Variants in CDC5L observed in about 807,000 individuals in gnomAD.
CDC5L encodes the protein cell division cycle 5 like.
Under a neutral mutation model 104.1 loss-of-function variants are expected in CDC5L, and 18 were observed. That is an observed-to-expected ratio of 0.17 (90% CI 0.12 to 0.26). CDC5L has a LOEUF of 0.26. Ranked by LOEUF, CDC5L falls within the 10% of genes least tolerant of loss-of-function variation. The pLI, the probability that CDC5L is intolerant of heterozygous loss-of-function variation, is 1.00. For missense variants in CDC5L, 673 were observed against 956.9 expected, an observed-to-expected ratio of 0.70 and a Z score of 3.91; for synonymous variants, 331 against 322.7, an observed-to-expected ratio of 1.03 and a Z score of -0.28.
intron 14 of CDC5L, among the ~76,000 whole-genome samples, chr6:44,435,087 C>G (rs1326536744): frequency 7.0e-6 from 1 of 143,378 alleles, no homozygotes; most frequent in Non-Finnish European, 1.5e-5. Context: ...CCCGCCCCCC[C>G]TGCCCCCACA....
intron 11 of CDC5L, 70 bp from the exon 12 acceptor site, chr6:44,426,033 G>A (rs1792401396): frequency 9.4e-7 from 1 of 1,060,586 alleles, no homozygotes; most frequent in African/African-American, 1.6e-5. Context: ...ATACCAAAGT[G>A]TTTTTAGCTT....
At chr6:44,434,254 G>A (rs1432102627) in intron 14 of CDC5L, among the ~76,000 whole-genome samples, 1 of 152,146 alleles carries the variant, frequency 6.6e-6, no homozygotes, top group African/African-American at 2.4e-5. Context: ...CAGTGCTCTT[G>A]TATTGCTTTG....
In CDC5L at chr6:44,410,462, G is replaced by T. The variant is rs117714028; in HGVS notation, c.1092+1830G>T. ...TATTTTTAAATTCATTTCTCCACTG[G>T]TGGACCCTTAGGTTGTTTCCAGAGG... On this transcript the variant is annotated intron_variant, in intron 8 of 15. Coordinates refer to ENST00000371477, the MANE Select transcript of CDC5L (RefSeq NM_001253.4). Among the ~76,000 whole-genome samples the T allele has an allele frequency of 1.4e-3, 214 of 152,206 alleles. 3 individuals carry two copies. The East Asian group carries it at 0.039, about 27-fold the overall frequency.
Position 44,388,953 on chromosome 6 carries a change from G to T in CDC5L, c.45+1085G>T, listed in dbSNP as rs535913369. ...GATAATAATACTTAACCTCTCTTGA[G>T]GATTACACGAGTTAATACGTTTGGA... On this transcript the variant is annotated intron_variant, in intron 1 of 15. Coordinates refer to ENST00000371477, the MANE Select transcript of CDC5L (RefSeq NM_001253.4). Among the ~76,000 whole-genome samples, 10 of 152,156 alleles carry T rather than the reference G, an allele frequency of 6.6e-5. No homozygotes were observed. In the South Asian group the frequency reaches 1.2e-3, roughly 19 times the overall value.
At chr6:44,422,618 T>G (rs1792238397) in intron 9 of CDC5L, 29 bp from the exon 10 acceptor site, 1 of 1,465,286 alleles carries the variant, frequency 6.8e-7, no homozygotes, top group East Asian at 2.5e-5. Context: ...AAGTGGCACT[T>G]CTGTTAATTG....
chr6:44,445,036 C>T (rs970570037), intron 14 of CDC5L, among the ~76,000 whole-genome samples: 1 of 152,218 alleles, frequency 6.6e-6, no homozygotes, highest in African/African-American at 2.4e-5. Context: ...GAGCCCCTTC[C>T]AGGGAGAAAT....
intron 8 of CDC5L, among the ~76,000 whole-genome samples, chr6:44,417,058 T>A (rs1369427158): frequency 6.6e-6 from 1 of 152,214 alleles, no homozygotes. Context: ...TTTAGTGCAT[T>A]TTACTATGCT....
In CDC5L at chr6:44,387,766, C is replaced by T. The variant is rs1790393512; in HGVS notation, c.-58C>T. ...GGCTTTGAGTCCGGTGGCCCAATCG[C>T]TGTTACTACTTCTCTGAAGCTCCTC... On this transcript the variant is annotated 5_prime_UTR_variant, in exon 1 of 16. Coordinates refer to ENST00000371477, the MANE Select transcript of CDC5L (RefSeq NM_001253.4). 4.8e-6 allele frequency: 7 copies of T among 1,468,930 alleles called. No individual in the cohort carries two copies. The highest frequency in any genetic ancestry group is 3.9e-5 in the Admixed American group (2 of 50,778). 91.0% of individuals were successfully genotyped at this position (1,468,930 alleles called of 1,614,324 possible).
chr6:44,423,221 A>G (rs1047830520), intron 10 of CDC5L, among the ~76,000 whole-genome samples: 6 of 152,238 alleles, frequency 3.9e-5, no homozygotes, highest in African/African-American at 1.4e-4. Context: ...TCAGTTTAAA[A>G]TTAATTCTAA....
In CDC5L at chr6:44,391,201, T is replaced by C. The variant is rs560033926; in HGVS notation, c.149+830T>C. Among the ~76,000 whole-genome samples the C allele has an allele frequency of 5.0e-3, 745 of 148,472 alleles. 3 individuals carry two copies. Among genetic ancestry groups the C allele is most frequent in the Non-Finnish European group, 9.4e-3 (632 of 67,308 alleles). ...TATATTAAACATATTTAATATGTTA[T>C]ATATATTAAAAGATATAAGCCAACT... On this transcript the variant is annotated intron_variant, in intron 2 of 15. Transcript: ENST00000371477.
At chr6:44,395,030 C>G (rs762925347) in intron 4 of CDC5L, among the ~76,000 whole-genome samples, 20 of 152,088 alleles carry the variant, frequency 1.3e-4, no homozygotes, top group Non-Finnish European at 2.6e-4. Flanking sequence ...GAGACAAATA[C>G]TGCATATTCT....
intron 9 of CDC5L, among the ~76,000 whole-genome samples, chr6:44,420,791 C>T (rs896604355): frequency 1.3e-5 from 2 of 152,182 alleles, no homozygotes; most frequent in Non-Finnish European, 2.9e-5. Flanking sequence ...CTGAAAAAAT[C>T]CCATATCTAA....
chr6:44,424,421 A>G lies in CDC5L; in HGVS notation c.1407A>G (p.Glu469=). 6.2e-7 allele frequency: 1 copy of G among 1,611,974 alleles called. No individual in the cohort carries two copies. Among genetic ancestry groups the G allele is most frequent in the Non-Finnish European group, 8.5e-7 (1 of 1,178,500 alleles). Residue 469 remains glutamate, a splice_region_variant and synonymous_variant, in exon 11 of 16, where the codon GAA becomes GAG. Coordinates refer to ENST00000371477, the MANE Select transcript of CDC5L (RefSeq NM_001253.4). ...YSDPSYVKQM[E]RESREHLRLG... is the part of the protein sequence containing the mutation. Reference sequence around the variant, plus strand: ...GAAGGACCACTTCTTTTCTACAGGAAAGAGAATCCCGAGAACATCTCCGTT... The same window carrying G: ...GAAGGACCACTTCTTTTCTACAGGAGAGAGAATCCCGAGAACATCTCCGTT...
intron 8 of CDC5L, among the ~76,000 whole-genome samples, chr6:44,411,629 A>AGTGTGTGTGT (rs1386078605): frequency 0.025 from 115 of 4,676 alleles, 2 homozygotes; most frequent in South Asian, 0.15. Flanking sequence ...AGAGAGAGAG[A>AGTGTGTGTGT]GAGAGAGAGT....
rs765864584 is a variant in CDC5L at position 44,429,833 on chromosome 6, C to T, written c.2014C>T (p.Pro672Ser). 2.1e-5 allele frequency: 34 copies of T among 1,613,984 alleles called. No homozygotes were observed. Among genetic ancestry groups the T allele is most frequent in the Middle Eastern group, 3.3e-4 (2 of 6,084 alleles). ...ATGCTACAGTCAAGTTTTATATCTT[C>T]CTGGGCAGAGCCGCTACACACGGGC... is the stretch of plus-strand genomic sequence containing the variant. ...EECYSQVLYL[P>S]GQSRYTRANL... is the part of the protein sequence containing the mutation. Residue 672 changes from proline (P) to serine (S), a missense_variant, in exon 14 of 16, where the codon CCT becomes TCT. Around this residue, in one of 4 missense-constraint regions of CDC5L, gnomAD observed 578 missense variants for 737.0 expected, o/e 0.78. Coordinates refer to ENST00000371477, the MANE Select transcript of CDC5L (RefSeq NM_001253.4).
Position 44,447,827 on chromosome 6 carries a change from G to A in CDC5L, c.*1116G>A, listed in dbSNP as rs1353408323. 6.6e-6 allele frequency: 1 copy of A among 152,202 alleles called. No homozygotes were observed. Among genetic ancestry groups the A allele is most frequent in the African/African-American group, 2.4e-5 (1 of 41,442 alleles). The allele number at this position is 152,202 out of a possible 1,614,324, so 9.4% of individuals were successfully genotyped here. ...TGTGTCAGACACTTAAGTGTTGGGA[G>A]ATAAGCAGTTATTAAGACAGAGTTC... On this transcript the variant is annotated 3_prime_UTR_variant, in exon 16 of 16. Coordinates refer to ENST00000371477, the MANE Select transcript of CDC5L (RefSeq NM_001253.4).
intron 14 of CDC5L, among the ~76,000 whole-genome samples, chr6:44,443,017 T>C (rs945442991): frequency 2.0e-4 from 31 of 151,936 alleles, no homozygotes; most frequent in African/African-American, 5.8e-4. Flanking sequence ...CAGTTTTTTT[T>C]TCTCTCTCTT....
At chr6:44,396,968 G>A (rs778500344) in intron 5 of CDC5L, among the ~76,000 whole-genome samples, 18 of 152,156 alleles carry the variant, frequency 1.2e-4, no homozygotes, top group Non-Finnish European at 1.0e-4. Context: ...TCACCTTTTC[G>A]GAAGCCCCCA....
intron 14 of CDC5L, among the ~76,000 whole-genome samples, chr6:44,444,110 A>G (rs1175220825): frequency 6.6e-6 from 1 of 152,140 alleles, no homozygotes; most frequent in Non-Finnish European, 1.5e-5. Flanking sequence ...AGATGCATAG[A>G]TGTAGCTGGG....
Sources: allele counts gnomAD v4.1 joint callset (sites outside exome capture counted in the v4.1 genomes callset), GRCh38; gene constraint gnomAD v4.1.1; regional missense constraint gnomAD v4.1.1; transcripts MANE v1.5; gene names NCBI Gene and HGNC (gene_info 2026-07-23, HGNC 2026-07-21).